ZNF227: variants seen among roughly 807,000 people sequenced by gnomAD.
The protein encoded by ZNF227 is zinc finger protein 227.
ZNF227 carries 12 observed loss-of-function variants against 13.2 expected under a neutral mutation model. That is an observed-to-expected ratio of 0.91 (90% CI 0.58 to 1.47). The LOEUF (loss-of-function observed/expected upper bound fraction) is 1.47. Ranked by LOEUF, ZNF227 falls within the 40% of genes most tolerant of loss-of-function variation. The probability of loss-of-function intolerance (pLI) is 0.00; values close to 1 mark genes in which losing one functional copy is unlikely to be tolerated. For synonymous variants in ZNF227, 338 were observed against 326.0 expected, an observed-to-expected ratio of 1.04 and a Z score of -0.40; for missense variants, 885 against 967.5, an observed-to-expected ratio of 0.91 and a Z score of 1.13.
upstream of ZNF227, among the ~76,000 whole-genome samples, chr19:44,211,066 G>A (rs1045779673): frequency 6.6e-6 from 1 of 152,006 alleles, no homozygotes; most frequent in African/African-American, 2.4e-5. Context: ...TGGTGGGGAG[G>A]GGGGTGCCTA....
upstream of ZNF227, among the ~76,000 whole-genome samples, chr19:44,211,164 C>CT (rs1192241017): frequency 6.6e-6 from 1 of 151,736 alleles, no homozygotes; most frequent in Non-Finnish European, 1.5e-5. Context: ...GGTCATGCCA[C>CT]TTCACTCCAG....
chr19:44,208,425 G>A (rs1971260092), upstream of ZNF227, among the ~76,000 whole-genome samples: 1 of 152,194 alleles, frequency 6.6e-6, no homozygotes. Flanking sequence ...CAGTGATAGG[G>A]ACAGTGGGTT....
At chr19:44,220,225 T>G (rs1467066794) in intron 3 of ZNF227, among the ~76,000 whole-genome samples, 1 of 152,190 alleles carries the variant, frequency 6.6e-6, no homozygotes, top group African/African-American at 2.4e-5. Flanking sequence ...TTGTGAATAG[T>G]GCCAGAATTA....
At position 44,217,715 on chromosome 19, in the gene ZNF227, A is replaced by G. The variant is rs143075857; in HGVS notation, c.-2-76A>G. 3.4e-5 allele frequency: 50 copies of G among 1,486,220 alleles called. No homozygotes were observed. The East Asian group carries it at 3.8e-4, about 11-fold the overall frequency. The allele number at this position is 1,486,220 out of a possible 1,614,324, so 92.1% of individuals were successfully genotyped here. A position where few individuals can be genotyped will look rare whatever the true frequency, so the allele number is the denominator to read the frequency against. On this transcript the variant is annotated intron_variant, in intron 2 of 5. Transcript: ENST00000313040. The stretch of plus-strand genomic sequence containing the variant: ...GCTATACCTGTCTGAATGTAGGGCT[A>G]TTTCTCTAATTTCCTCATATGTACA...
chr19:44,221,678 G>T (rs1430252085), intron 3 of ZNF227, among the ~76,000 whole-genome samples: 1 of 152,134 alleles, frequency 6.6e-6, no homozygotes, highest in Non-Finnish European at 1.5e-5. Context: ...TGTCAGATGA[G>T]TAGGTTGCAA....
chr19:44,210,912 G>T (rs951161171), upstream of ZNF227, among the ~76,000 whole-genome samples: 1 of 152,138 alleles, frequency 6.6e-6, no homozygotes, highest in African/African-American at 2.4e-5. Flanking sequence ...TGTGAAAATG[G>T]GCTAAGTGTG....
intron 3 of ZNF227, among the ~76,000 whole-genome samples, chr19:44,222,898 G>A (rs1599798940): frequency 6.6e-6 from 1 of 151,060 alleles, no homozygotes; most frequent in African/African-American, 2.4e-5. Flanking sequence ...TTGGCTGTGG[G>A]TTTGTCATAG....
intron 2 of ZNF227, 195 bp downstream of exon 2, chr19:44,213,439 G>A (rs760023442): frequency 1.3e-5 from 2 of 152,166 alleles, no homozygotes; most frequent in Admixed American, 1.3e-4. Context: ...ATTCGTCTGT[G>A]GACCATAGCT....
intron 3 of ZNF227, 26 bp from the exon 4 acceptor site, chr19:44,228,420 G>A: frequency 1.3e-6 from 2 of 1,595,928 alleles, no homozygotes; most frequent in Non-Finnish European, 1.7e-6. Flanking sequence ...TTGTAAGATT[G>A]AGGTTACATG....
upstream of ZNF227, among the ~76,000 whole-genome samples, chr19:44,211,444 C>T (rs1287760120): frequency 6.6e-6 from 1 of 152,086 alleles, no homozygotes; most frequent in African/African-American, 2.4e-5. Context: ...TTCTTTCAAC[C>T]CTCAATTCTT....
In ZNF227 at chr19:44,236,072, T is replaced by C; in HGVS notation, c.1642T>C (p.Tyr548His). Residue 548 changes from tyrosine (Y) to histidine (H), a missense_variant, in exon 6 of 6, where the codon TAT (tyrosine) becomes CAT (histidine). Transcript: ENST00000313040. ...HQRVHTGEKP[Y>H]RCDVCGKDFS... ...GCGAGTCCACACTGGAGAGAAACCA[T>C]ATAGATGTGATGTGTGTGGTAAGGA... 1 of 1,613,996 alleles carries C rather than the reference T, an allele frequency of 6.2e-7. No homozygotes were observed. The highest frequency in any genetic ancestry group is 1.1e-5 in the South Asian group (1 of 91,078).
rs777055766 is a variant in ZNF227 at position 44,234,739 on chromosome 19, A to C, written c.309A>C (p.Lys103Asn). 1 of 1,598,572 alleles carries C rather than the reference A, an allele frequency of 6.3e-7. No individual in the cohort carries two copies. The highest frequency in any genetic ancestry group is 1.1e-5 in the South Asian group (1 of 87,410). The change falls in exon 6 of 6, where the codon AAA (lysine) becomes AAC (asparagine). Residue 103 changes from lysine to asparagine, a missense_variant. Lys to Asn is a moderately conservative substitution (Grantham distance 94). Coordinates refer to ENST00000313040, the MANE Select transcript of ZNF227 (RefSeq NM_182490.3). ...AAAATAAGATGGAAACACTCCAAAA[A>C]TTTGCATTAAAATACCTTTCAAATC... Reference protein sequence around the residue: ...KHQNKMETLQKFALKYLSNQE... With the variant: ...KHQNKMETLQNFALKYLSNQE...
chr19:44,223,125 T>C (rs1972728359), intron 3 of ZNF227, among the ~76,000 whole-genome samples: 1 of 152,218 alleles, frequency 6.6e-6, no homozygotes, highest in Admixed American at 6.5e-5. Context: ...CACTTGATCA[T>C]GGTGGATAAG....
intron 3 of ZNF227, 102 bp from the exon 4 acceptor site, chr19:44,228,344 T>C: frequency 7.2e-7 from 1 of 1,382,294 alleles, no homozygotes; most frequent in South Asian, 1.4e-5. Flanking sequence ...TCTCTTGGAA[T>C]CTATAACAAC....
chr19:44,220,700 C>G (rs1972400632), intron 3 of ZNF227, among the ~76,000 whole-genome samples: 1 of 152,006 alleles, frequency 6.6e-6, no homozygotes. Flanking sequence ...GGTACATGTG[C>G]ACAATGTGCA....
intron 4 of ZNF227, chr19:44,228,834 G>C (rs928429542): frequency 2.0e-4 from 88 of 444,264 alleles, no homozygotes; most frequent in Non-Finnish European, 2.3e-5. Context: ...TGTCACACCT[G>C]ACAGAGGGGT....
At chr19:44,226,167 T>C (rs183545033) in intron 3 of ZNF227, among the ~76,000 whole-genome samples, 78 of 152,342 alleles carry the variant, frequency 5.1e-4, no homozygotes, top group African/African-American at 1.7e-3. Flanking sequence ...AGTACTCAGC[T>C]GTGTGAGGTG....
chr19:44,209,919 C>T (rs1312157570), upstream of ZNF227, among the ~76,000 whole-genome samples: 2 of 152,196 alleles, frequency 1.3e-5, no homozygotes. Context: ...TCTGTTTCTC[C>T]CTTAGGCTGC....
intron 1 of ZNF227, 77 bp from the exon 2 acceptor site, chr19:44,213,013 C>T (rs1446506779): frequency 6.6e-6 from 1 of 152,048 alleles, no homozygotes; most frequent in African/African-American, 2.4e-5. Context: ...GGGCTTTATG[C>T]CATGGCCTTT....
Sources: allele counts gnomAD v4.1 joint callset (sites outside exome capture counted in the v4.1 genomes callset), GRCh38; gene constraint gnomAD v4.1.1; transcripts MANE v1.5; gene names NCBI Gene and HGNC (gene_info 2026-07-23, HGNC 2026-07-21).